The following CFAP54 variants were observed in gnomAD, a reference collection of about 807,000 sequenced individuals.
The protein encoded by CFAP54 is cilia- and flagella-associated protein 54.
Under a neutral mutation model 370.4 loss-of-function variants are expected in CFAP54, and 290 were observed. The ratio of observed to expected loss-of-function variants is 0.78; its 90% CI spans 0.71 to 0.86. The LOEUF (loss-of-function observed/expected upper bound fraction) is 0.86. Among genes scored for constraint, CFAP54 ranks in the 40% least tolerant of loss-of-function variants. The pLI is 0.00. For missense variants in CFAP54, 3,399 were observed against 3,528.7 expected (o/e 0.96, Z 0.93); for synonymous variants, 1,206 against 1,236.5 (o/e 0.98, Z 0.52).
At position 96,511,731 on chromosome 12, in the gene CFAP54, G is replaced by T. The variant is rs188818661; in HGVS notation, c.740-1255G>T. Among the ~76,000 whole-genome samples, 234 of 152,104 alleles carry T rather than the reference G, an allele frequency of 1.5e-3. 1 individual carries two copies. The highest frequency in any genetic ancestry group is 5.4e-3 in the African/African-American group (225 of 41,502). On this transcript the variant is annotated intron_variant, in intron 4 of 67. Transcript: ENST00000524981. Reference sequence around the variant, plus strand: ...ATTCCTGACCTCAGGTGTTTTGCCTGCCTCAGCCTCCCAAAGTGCTGGGAT... The same window carrying T: ...ATTCCTGACCTCAGGTGTTTTGCCTTCCTCAGCCTCCCAAAGTGCTGGGAT...
intron 50 of CFAP54, among the ~76,000 whole-genome samples, chr12:96,727,117 A>T (rs1181366260): frequency 6.6e-6 from 1 of 151,986 alleles, no homozygotes; most frequent in Non-Finnish European, 1.5e-5. Context: ...ATTTTGGAAT[A>T]GGTGTGGTGT....
chr12:96,812,977 C>T (rs1362537787), intron 64 of CFAP54, among the ~76,000 whole-genome samples: 1 of 152,048 alleles, frequency 6.6e-6, no homozygotes, highest in Non-Finnish European at 1.5e-5. Flanking sequence ...CTTTCCCTTT[C>T]CTTTCTTCTT....
At chr12:96,742,651 A>G in intron 52 of CFAP54, 65 bp downstream of exon 52, 1 of 1,366,394 alleles carries the variant, frequency 7.3e-7, no homozygotes, top group Non-Finnish European at 1.0e-6. Flanking sequence ...AGAGGGGTTT[A>G]TTGGGATATA....
chr12:96,750,689 A>G (rs1565964589), intron 55 of CFAP54, among the ~76,000 whole-genome samples: 1 of 152,220 alleles, frequency 6.6e-6, no homozygotes, highest in African/African-American at 2.4e-5. Context: ...GATTGTGTTA[A>G]ATCAAATATA....
At chr12:96,551,117 A>C (rs1288097585) in intron 15 of CFAP54, among the ~76,000 whole-genome samples, 1 of 152,116 alleles carries the variant, frequency 6.6e-6, no homozygotes, top group East Asian at 1.9e-4. Flanking sequence ...AAAAAAATAC[A>C]AAAATTAGCT....
Position 96,638,812 on chromosome 12 carries a change from T to C in CFAP54, c.4317-5366T>C, listed in dbSNP as rs141360268. 5.1e-3 allele frequency among the ~76,000 whole-genome samples: 781 copies of C among 152,324 alleles called. 5 individuals are homozygous for C. Among genetic ancestry groups the C allele is most frequent in the African/African-American group, 0.018 (744 of 41,574 alleles). The stretch of plus-strand genomic sequence containing the variant: ...TTATTGTTCTGGCTAGGCCCATCAA[T>C]ACAGTGCTAAAACAAAAATGATGTT... On this transcript the variant is annotated intron_variant, in intron 32 of 67. Coordinates refer to ENST00000524981, the MANE Select transcript of CFAP54 (RefSeq NM_001306084.2).
At chr12:96,554,386 G>A (rs1168064095) in intron 16 of CFAP54, 76 bp downstream of exon 16, 3 of 1,419,614 alleles carry the variant, frequency 2.1e-6, no homozygotes, top group South Asian at 1.6e-5. Flanking sequence ...AAGTAGGTAA[G>A]TAAAGCATGA....
intron 63 of CFAP54, among the ~76,000 whole-genome samples, chr12:96,796,133 G>A (rs1958759467): frequency 1.3e-5 from 2 of 152,176 alleles, no homozygotes; most frequent in Admixed American, 1.3e-4. Flanking sequence ...CACAGTTTTG[G>A]CTATCTTATG....
chr12:96,777,960 A>G (rs993930311), intron 60 of CFAP54, among the ~76,000 whole-genome samples: 2 of 152,224 alleles, frequency 1.3e-5, no homozygotes, highest in Non-Finnish European at 2.9e-5. Flanking sequence ...GTCTAGCCAC[A>G]TCTGTAAATT....
At chr12:96,792,615 A>T (rs1958714622) in intron 63 of CFAP54, 116 bp downstream of exon 63, 1 of 699,662 alleles carries the variant, frequency 1.4e-6, no homozygotes, top group Non-Finnish European at 2.2e-6. Context: ...ACAGGTATCA[A>T]TATATAATCT....
At chr12:96,655,031 CA>C (rs11413534) in intron 36 of CFAP54, among the ~76,000 whole-genome samples, 4 of 151,118 alleles carry the variant, frequency 2.6e-5, no homozygotes, top group African/African-American at 9.7e-5. Context: ...TGTGAATGGC[CA>C]AAAAAATTTT....
At chr12:96,514,376 A>G (rs755745264) in intron 5 of CFAP54, among the ~76,000 whole-genome samples, 3 of 152,244 alleles carry the variant, frequency 2.0e-5, no homozygotes, top group Non-Finnish European at 4.4e-5. Flanking sequence ...AAAAAACTCT[A>G]TGACAGACAG....
At chr12:96,675,650 G>A (rs529963026) in intron 39 of CFAP54, among the ~76,000 whole-genome samples, 12 of 152,200 alleles carry the variant, frequency 7.9e-5, no homozygotes, top group East Asian at 3.9e-4. Flanking sequence ...TATGTTTATC[G>A]CAGCACTATT....
intron 67 of CFAP54, among the ~76,000 whole-genome samples, 181 bp from the exon 68 acceptor site, chr12:96,874,937 G>A (rs1198621166): frequency 6.6e-6 from 1 of 151,754 alleles, no homozygotes; most frequent in Non-Finnish European, 1.5e-5. Context: ...CTTTTTTAAA[G>A]TTTTGGTTTG....
chr12:96,672,732 TG>T (rs1420422166), intron 39 of CFAP54, among the ~76,000 whole-genome samples: 2 of 152,218 alleles, frequency 1.3e-5, no homozygotes, highest in African/African-American at 4.8e-5. Context: ...TCTCCTACTT[TG>T]GGATCCATAA....
chr12:96,747,923 GTTTC>G (rs1958135730), intron 55 of CFAP54, among the ~76,000 whole-genome samples: 1 of 151,968 alleles, frequency 6.6e-6, no homozygotes, highest in African/African-American at 2.4e-5. Context: ...TTTTACTTTA[GTTTC>G]TTTATCTTTG....
Position 96,547,910 on chromosome 12 carries a change from T to G in CFAP54, c.2086T>G (p.Leu696Val). The change falls in exon 15 of 68, where the codon TTA (leucine) becomes GTA (valine). Residue 696 changes from leucine (L) to valine (V), a missense_variant. Transcript: ENST00000524981. Reference protein sequence around the residue: ...RKFKQSLDVPLREGTNKFPGA... With the variant: ...RKFKQSLDVPVREGTNKFPGA... ...CTTCCTTTCTTTTCCAGATGTACCT[T>G]TAAGAGAAGGGACTAACAAATTCCC... 1 of 1,491,758 alleles carries G rather than the reference T, an allele frequency of 6.7e-7. No homozygotes were observed. The highest frequency in any genetic ancestry group is 9.0e-7 in the Non-Finnish European group (1 of 1,117,090). 92.4% of individuals were successfully genotyped at this position (1,491,758 alleles called of 1,614,324 possible).
chr12:96,786,300 G>T (rs564629308), intron 61 of CFAP54, among the ~76,000 whole-genome samples: 65 of 151,364 alleles, frequency 4.3e-4, no homozygotes, highest in African/African-American at 1.5e-3. Flanking sequence ...TCTGCCTCAG[G>T]CTTCTGAGTA....
intron 52 of CFAP54, 46 bp downstream of exon 52, chr12:96,742,632 C>T (rs757603725): frequency 1.3e-6 from 2 of 1,539,654 alleles, no homozygotes; most frequent in Non-Finnish European, 1.8e-6. Context: ...ATTAATTTTA[C>T]ATAGGTGAAG....
Sources: gnomAD v4.1 joint callset for allele counts (sites outside exome capture counted in the v4.1 genomes callset) on GRCh38, gnomAD v4.1.1 for gene constraint, MANE v1.5 for transcripts, NCBI Gene and HGNC (gene_info 2026-07-23, HGNC 2026-07-21) for gene names.